The following HSDL2 variants were observed in gnomAD, a reference collection of about 807,000 sequenced individuals.
HSDL2 encodes hydroxysteroid dehydrogenase-like protein 2.
HSDL2 carries 27 observed loss-of-function variants against 46.3 expected under a neutral mutation model. The observed-to-expected ratio is 0.58, with a 90% CI of 0.43 to 0.80. The LOEUF (loss-of-function observed/expected upper bound fraction) is 0.80, where lower values mean the gene tolerates loss of function less well. Ranked by LOEUF, HSDL2 falls within the 30% of genes least tolerant of loss-of-function variation. HSDL2 has a pLI of 0.00. For missense variants in HSDL2, 451 were observed against 502.7 expected, an observed-to-expected ratio of 0.90 and a Z score of 0.98; for synonymous variants, 153 against 163.6, an observed-to-expected ratio of 0.94 and a Z score of 0.50.
intron 3 of HSDL2, 41 bp from the exon 4 acceptor site, chr9:112,408,863 TAAA>T (rs749953470): frequency 9.3e-7 from 1 of 1,072,060 alleles, no homozygotes; most frequent in Non-Finnish European, 1.4e-6. Flanking sequence ...TTGTGTGTGA[TAAA>T]AAGTCTTTCA....
intron 6 of HSDL2, among the ~76,000 whole-genome samples, chr9:112,424,585 A>G (rs1232771227): frequency 6.6e-6 from 1 of 151,804 alleles, no homozygotes; most frequent in Non-Finnish European, 1.5e-5. Flanking sequence ...CTCTTGACTT[A>G]TTGAGAGCCC....
intron 8 of HSDL2, among the ~76,000 whole-genome samples, chr9:112,447,051 C>A (rs763842802): frequency 2.3e-4 from 35 of 152,170 alleles, no homozygotes; most frequent in Non-Finnish European, 4.4e-4. Context: ...CTGAACCTCT[C>A]TTCCTAGATT....
intron 6 of HSDL2, among the ~76,000 whole-genome samples, chr9:112,429,134 G>C (rs1318802778): frequency 1.3e-5 from 2 of 152,202 alleles, no homozygotes; most frequent in African/African-American, 4.8e-5. Flanking sequence ...CCTGACCTTA[G>C]GAGATCTGCC....
chr9:112,405,746 T>A (rs1831711356), intron 3 of HSDL2, 24 bp downstream of exon 3: 3 of 1,351,504 alleles, frequency 2.2e-6, no homozygotes, highest in Non-Finnish European at 2.1e-6. Context: ...TCTGAAAAAA[T>A]TATTGGATAT....
intron 7 of HSDL2, among the ~76,000 whole-genome samples, chr9:112,439,027 G>T (rs914400055): frequency 6.6e-6 from 1 of 152,136 alleles, no homozygotes; most frequent in Non-Finnish European, 1.5e-5. Context: ...TTGAGAAAGG[G>T]TCTCACTCTG....
intron 10 of HSDL2, among the ~76,000 whole-genome samples, chr9:112,469,115 C>T (rs888729059): frequency 9.2e-5 from 14 of 152,150 alleles, no homozygotes; most frequent in Non-Finnish European, 1.9e-4. Context: ...AAGTAGGACA[C>T]AGCTCAGTTT....
intron 1 of HSDL2, among the ~76,000 whole-genome samples, chr9:112,392,619 C>A (rs1364619316): frequency 6.6e-6 from 1 of 152,210 alleles, no homozygotes; most frequent in Non-Finnish European, 1.5e-5. Flanking sequence ...TATAGGCTCT[C>A]TGCAAGAAGA....
At chr9:112,445,832 AT>A (rs71862393) in intron 8 of HSDL2, among the ~76,000 whole-genome samples, 5 of 151,164 alleles carry the variant, frequency 3.3e-5, no homozygotes, top group Non-Finnish European at 7.4e-5. Flanking sequence ...CCAAAGCTTT[AT>A]TTTTTTTTAT....
At chr9:112,452,582 A>T (rs542595302) in intron 8 of HSDL2, among the ~76,000 whole-genome samples, 1 of 152,132 alleles carries the variant, frequency 6.6e-6, no homozygotes, top group African/African-American at 2.4e-5. Flanking sequence ...CCCTGTCTCT[A>T]CTAAAAATTC....
At position 112,470,579 on chromosome 9, in the gene HSDL2, C is replaced by G; in HGVS notation, c.*35C>G. The G allele has an allele frequency of 1.7e-6, 2 of 1,191,098 alleles. No individual in the cohort carries two copies. Among genetic ancestry groups the G allele is most frequent in the Admixed American group, 2.2e-5 (1 of 46,350 alleles). The allele number at this position is 1,191,098 out of a possible 1,614,324, so 73.8% of individuals were successfully genotyped here. The stretch of plus-strand genomic sequence containing the variant: ...TAAAAAAAAAGTCGACTGCTATGCT[C>G]AAAAAGTAAAAAAAGCTCAACAGTT... On this transcript the variant is annotated 3_prime_UTR_variant, in exon 11 of 11. Transcript: ENST00000398805.
intron 6 of HSDL2, among the ~76,000 whole-genome samples, chr9:112,432,877 C>T (rs1473474882): frequency 6.6e-6 from 1 of 152,122 alleles, no homozygotes; most frequent in East Asian, 1.9e-4. Context: ...AAGTGATTAT[C>T]CTGCCTCAGC....
chr9:112,383,799 T>C (rs1831163475), intron 1 of HSDL2, among the ~76,000 whole-genome samples: 1 of 152,198 alleles, frequency 6.6e-6, no homozygotes, highest in East Asian at 1.9e-4. Context: ...TCTCCTGGGG[T>C]TAAGCAGTCC....
At chr9:112,459,409 G>A (rs1171844034) in intron 9 of HSDL2, 40 bp from the exon 10 acceptor site, 3 of 1,599,132 alleles carry the variant, frequency 1.9e-6, no homozygotes, top group Non-Finnish European at 2.6e-6. Flanking sequence ...AGAAGAACAG[G>A]GCTTCTATGA....
intron 7 of HSDL2, among the ~76,000 whole-genome samples, chr9:112,439,061 C>T (rs901072705): frequency 2.0e-5 from 3 of 152,038 alleles, no homozygotes; most frequent in Non-Finnish European, 4.4e-5. Flanking sequence ...AGTGTAGTGG[C>T]GCAATCTCAG....
intron 1 of HSDL2, among the ~76,000 whole-genome samples, chr9:112,393,984 G>A (rs887426758): frequency 9.8e-5 from 15 of 152,320 alleles, no homozygotes; most frequent in South Asian, 2.1e-4. Context: ...GCGTGGCAAT[G>A]CCTGATGTTC....
chr9:112,458,159 T>C (rs1240179962), intron 9 of HSDL2, among the ~76,000 whole-genome samples: 2 of 152,100 alleles, frequency 1.3e-5, no homozygotes, highest in Non-Finnish European at 2.9e-5. Flanking sequence ...CTTTTTTGCA[T>C]GTGCTGTTCC....
At chr9:112,444,517 C>A (rs1053383670) in intron 8 of HSDL2, among the ~76,000 whole-genome samples, 3 of 151,966 alleles carry the variant, frequency 2.0e-5, no homozygotes, top group African/African-American at 4.8e-5. Flanking sequence ...GTGGGAGGAT[C>A]GCTTGAGCCC....
At chr9:112,394,379 A>G (rs1831413878) in intron 1 of HSDL2, among the ~76,000 whole-genome samples, 1 of 152,160 alleles carries the variant, frequency 6.6e-6, no homozygotes, top group Non-Finnish European at 1.5e-5. Flanking sequence ...GGAAAGAAGG[A>G]TGGTGATCCT....
chr9:112,446,239 G>A (rs756541925), intron 8 of HSDL2, among the ~76,000 whole-genome samples: 2 of 151,996 alleles, frequency 1.3e-5, no homozygotes, highest in Non-Finnish European at 2.9e-5. Flanking sequence ...CTTTTTCTGA[G>A]CTGTAGTTTC....
Sources: allele counts gnomAD v4.1 joint callset (sites outside exome capture counted in the v4.1 genomes callset), GRCh38; gene constraint gnomAD v4.1.1; transcripts MANE v1.5; gene names NCBI Gene and HGNC (gene_info 2026-07-23, HGNC 2026-07-21).